The following TOX variants were observed in gnomAD, a reference collection of about 807,000 sequenced individuals.
TOX encodes the protein thymocyte selection associated high mobility group box.
TOX carries 11 observed loss-of-function variants against 53.7 expected under a neutral mutation model. The observed-to-expected ratio is 0.20, with a 90% CI of 0.13 to 0.34. The LOEUF (loss-of-function observed/expected upper bound fraction) is 0.34, where lower values mean the gene tolerates loss of function less well. Among genes scored for constraint, TOX ranks in the 10% least tolerant of loss-of-function variants. The probability of loss-of-function intolerance (pLI) is 1.00; values close to 1 mark genes in which losing one functional copy is unlikely to be tolerated. For missense variants in TOX, 570 were observed against 664.6 expected, an observed-to-expected ratio of 0.86 and a Z score of 1.56; for synonymous variants, 225 against 245.3, an observed-to-expected ratio of 0.92 and a Z score of 0.77.
intron 3 of TOX, among the ~76,000 whole-genome samples, chr8:58,905,572 G>A (rs186293748): frequency 1.3e-5 from 2 of 152,318 alleles, no homozygotes; most frequent in Non-Finnish European, 1.5e-5. Flanking sequence ...TACAGGTAGG[G>A]AATTTTTGGT....
intron 1 of TOX, among the ~76,000 whole-genome samples, chr8:59,006,885 T>C (rs1296165861): frequency 6.6e-6 from 1 of 152,220 alleles, no homozygotes; most frequent in Non-Finnish European, 1.5e-5. Flanking sequence ...TCTCTTCTAA[T>C]GTTCAAGTTC....
At chr8:59,008,822 A>G (rs991240079) in intron 1 of TOX, among the ~76,000 whole-genome samples, 1 of 152,246 alleles carries the variant, frequency 6.6e-6, no homozygotes, top group Admixed American at 6.5e-5. Context: ...GATGGCCACC[A>G]GTAAGCTAAT....
Position 59,081,169 on chromosome 8 carries a change from A to G in TOX, c.102+37717T>C, listed in dbSNP as rs958726868. 2.6e-5 allele frequency among the ~76,000 whole-genome samples: 4 copies of G among 151,884 alleles called. No homozygotes were observed. In the East Asian group the frequency reaches 7.7e-4, roughly 29 times the overall value. On this transcript the variant is annotated intron_variant, in intron 1 of 8. Transcript: ENST00000361421. The stretch of plus-strand genomic sequence containing the variant: ...AGCCTCCTGAGTAGCTGGGACTACA[A>G]GTGAGTACCACCACGCCCAGCTAAT...
At chr8:59,040,571 T>C (rs1803562062) in intron 1 of TOX, among the ~76,000 whole-genome samples, 1 of 152,152 alleles carries the variant, frequency 6.6e-6, no homozygotes, top group African/African-American at 2.4e-5. Flanking sequence ...TTTGAGTGTA[T>C]AACTGTCAAC....
intron 1 of TOX, among the ~76,000 whole-genome samples, chr8:59,095,454 T>C (rs1037323124): frequency 6.6e-6 from 1 of 152,340 alleles, no homozygotes; most frequent in Admixed American, 6.5e-5. Context: ...TCGCCCAGGC[T>C]GGAGTGCAAT....
At chr8:58,845,860 T>G (rs931908968) in intron 4 of TOX, among the ~76,000 whole-genome samples, 12 of 152,260 alleles carry the variant, frequency 7.9e-5, no homozygotes, top group Non-Finnish European at 4.4e-5. Flanking sequence ...ATACACCTAC[T>G]GGTTAAATTT....
intron 7 of TOX, among the ~76,000 whole-genome samples, chr8:58,808,921 A>AT (rs1810033331): frequency 6.6e-6 from 1 of 152,076 alleles, no homozygotes; most frequent in Non-Finnish European, 1.5e-5. Context: ...CAGAGCAAAT[A>AT]TTTTTTAATT....
At chr8:59,001,900 T>C (rs1207900208) in intron 1 of TOX, among the ~76,000 whole-genome samples, 1 of 151,946 alleles carries the variant, frequency 6.6e-6, no homozygotes, top group East Asian at 1.9e-4. Flanking sequence ...TGTGACATCT[T>C]TCCCTTTATC....
At chr8:59,037,725 C>T (rs1803495160) in intron 1 of TOX, among the ~76,000 whole-genome samples, 1 of 148,714 alleles carries the variant, frequency 6.7e-6, no homozygotes, top group African/African-American at 2.5e-5. Flanking sequence ...TTGCTTGCAC[C>T]TGGGAGGCGG....
chr8:59,084,519 C>T (rs958150778), intron 1 of TOX, among the ~76,000 whole-genome samples: 6 of 152,102 alleles, frequency 3.9e-5, no homozygotes, highest in African/African-American at 9.7e-5. Context: ...TATGCATTCT[C>T]GATATCTTTT....
At position 58,815,431 on chromosome 8, in the gene TOX, C is replaced by A; in HGVS notation, c.1299G>T (p.Met433Ile). Residue 433 changes from methionine to isoleucine, a missense_variant, in exon 7 of 9, where the codon ATG becomes ATT. This residue lies in a region of TOX where 239 missense variants were observed against 250.7 expected (regional missense o/e 0.95). Transcript: ENST00000361421. ...GCATGGTGAGCGGCTGGTGCTGCTG[C>A]ATGTTGAGATGCTGGTGAAGAGGCG... is the stretch of plus-strand genomic sequence containing the variant. The part of the protein sequence containing the change: ...ISPPLHQHLN[M>I]QQHQPLTMQQ... The A allele has an allele frequency of 2.5e-6, 4 of 1,613,990 alleles. No homozygotes were observed. Among genetic ancestry groups the A allele is most frequent in the Non-Finnish European group, 3.4e-6 (4 of 1,179,984 alleles).
intron 1 of TOX, among the ~76,000 whole-genome samples, chr8:59,108,024 T>C (rs1308108559): frequency 6.6e-6 from 1 of 152,196 alleles, no homozygotes; most frequent in Non-Finnish European, 1.5e-5. Flanking sequence ...GGTGCAAAAT[T>C]GGCAGCAGTT....
chr8:59,050,362 T>G (rs1803765293), intron 1 of TOX, among the ~76,000 whole-genome samples: 1 of 152,110 alleles, frequency 6.6e-6, no homozygotes, highest in African/African-American at 2.4e-5. Context: ...AAGTGCTGCA[T>G]GAACCACACA....
At chr8:58,975,594 T>C (rs1176905287) in intron 1 of TOX, among the ~76,000 whole-genome samples, 2 of 152,186 alleles carry the variant, frequency 1.3e-5, no homozygotes, top group Non-Finnish European at 2.9e-5. Flanking sequence ...GTGATAGAAT[T>C]ATGTCTAAAA....
intron 3 of TOX, among the ~76,000 whole-genome samples, chr8:58,852,357 ACC>A (rs1252273291): frequency 3.9e-5 from 6 of 152,212 alleles, no homozygotes; most frequent in Admixed American, 3.9e-4. Context: ...TCTCCTAACT[ACC>A]AGACTCAAAA....
In TOX at chr8:58,888,659, A is replaced by G. The variant is rs902769752; in HGVS notation, c.412-36854T>C. 2.0e-5 allele frequency among the ~76,000 whole-genome samples: 3 copies of G among 152,004 alleles called. No individual in the cohort carries two copies. In the East Asian group the frequency reaches 5.8e-4, roughly 29 times the overall value. ...CTAATAGATGCCAAAATTTACTAAA[A>G]CACTTGAAAAAAATCACAACAGCAG... On this transcript the variant is annotated intron_variant, in intron 3 of 8. Transcript: ENST00000361421.
intron 3 of TOX, among the ~76,000 whole-genome samples, chr8:58,921,785 G>T (rs1812080446): frequency 6.6e-6 from 1 of 152,108 alleles, no homozygotes; most frequent in Admixed American, 6.5e-5. Flanking sequence ...TTCCTAAATA[G>T]CTGTTGGACT....
chr8:59,047,511 A>G (rs983151913), intron 1 of TOX, among the ~76,000 whole-genome samples: 8 of 151,352 alleles, frequency 5.3e-5, no homozygotes, highest in African/African-American at 1.9e-4. Flanking sequence ...GGCGTGAGCC[A>G]CCGCGCCCGG....
chr8:59,069,346 G>C (rs1804151975), intron 1 of TOX, among the ~76,000 whole-genome samples: 1 of 152,142 alleles, frequency 6.6e-6, no homozygotes, highest in South Asian at 2.1e-4. Context: ...CTCCACATTA[G>C]AGATTACAGT....
Sources: gnomAD v4.1 joint callset for allele counts (sites outside exome capture counted in the v4.1 genomes callset) on GRCh38, gnomAD v4.1.1 for gene constraint, gnomAD v4.1.1 regional missense constraint, MANE v1.5 for transcripts, NCBI Gene and HGNC (gene_info 2026-07-23, HGNC 2026-07-21) for gene names.